The following CCSER1 variants were observed in gnomAD, a reference collection of about 807,000 sequenced individuals.
CCSER1 encodes the protein serine-rich coiled-coil domain-containing protein 1.
Under a neutral mutation model 82.0 loss-of-function variants are expected in CCSER1, and 41 were observed. The ratio of observed to expected loss-of-function variants is 0.50; its 90% CI spans 0.39 to 0.65. The LOEUF (loss-of-function observed/expected upper bound fraction) is 0.65. Ranked by LOEUF, CCSER1 falls within the 30% of genes least tolerant of loss-of-function variation. The pLI, the probability that CCSER1 is intolerant of heterozygous loss-of-function variation, is 0.00. For missense variants in CCSER1, 1,119 were observed against 1,064.2 expected (o/e 1.05, Z -0.72); for synonymous variants, 414 against 383.9 (o/e 1.08, Z -0.92).
chr4:90,394,693 T>C (rs1578254654), intron 3 of CCSER1, among the ~76,000 whole-genome samples: 1 of 152,264 alleles, frequency 6.6e-6, no homozygotes, highest in East Asian at 1.9e-4. Flanking sequence ...AAATGCCCAG[T>C]GTAATATATC....
chr4:90,614,783 T>TAGA (rs1425909648), intron 5 of CCSER1, among the ~76,000 whole-genome samples: 1 of 152,186 alleles, frequency 6.6e-6, no homozygotes, highest in Non-Finnish European at 1.5e-5. Context: ...AGCACTAATG[T>TAGA]AGAAGCACAG....
At chr4:90,556,854 G>GTATATATA (rs56675984) in intron 5 of CCSER1, among the ~76,000 whole-genome samples, 3 of 146,066 alleles carry the variant, frequency 2.1e-5, no homozygotes, top group African/African-American at 7.5e-5. Flanking sequence ...ATCTATATGT[G>GTATATATA]TATATATATA....
chr4:91,176,004 G>A (rs1403349633), intron 10 of CCSER1, among the ~76,000 whole-genome samples: 1 of 152,148 alleles, frequency 6.6e-6, no homozygotes, highest in Non-Finnish European at 1.5e-5. Context: ...TTTTGTTTAA[G>A]GTGTAAGGAA....
At chr4:91,157,242 A>C (rs1408948057) in intron 10 of CCSER1, among the ~76,000 whole-genome samples, 2 of 151,960 alleles carry the variant, frequency 1.3e-5, no homozygotes, top group Non-Finnish European at 2.9e-5. Flanking sequence ...AATCAGACTT[A>C]TTTACCAGAA....
At chr4:91,052,277 C>T (rs554528325) in intron 9 of CCSER1, among the ~76,000 whole-genome samples, 56 of 152,110 alleles carry the variant, frequency 3.7e-4, no homozygotes, top group African/African-American at 1.3e-3. Flanking sequence ...TTTATGTCTA[C>T]AGGCTGAGTG....
intron 10 of CCSER1, among the ~76,000 whole-genome samples, chr4:91,461,122 C>A (rs1250005754): frequency 6.6e-6 from 1 of 152,168 alleles, no homozygotes; most frequent in Non-Finnish European, 1.5e-5. Context: ...CAAAGACTTG[C>A]TCATAGCCCA....
intron 1 of CCSER1, among the ~76,000 whole-genome samples, chr4:90,177,390 G>T (rs1246324085): frequency 6.6e-6 from 1 of 152,006 alleles, no homozygotes; most frequent in Non-Finnish European, 1.5e-5. Context: ...ACTTTAAGCG[G>T]TTTTACCATA....
At chr4:90,243,455 G>A (rs1025204297) in intron 1 of CCSER1, among the ~76,000 whole-genome samples, 24 of 151,948 alleles carry the variant, frequency 1.6e-4, no homozygotes, top group African/African-American at 5.6e-4. Flanking sequence ...CACCATGTTG[G>A]TCAGGCTGGT....
intron 10 of CCSER1, among the ~76,000 whole-genome samples, chr4:91,351,325 C>T (rs895464652): frequency 6.6e-6 from 1 of 151,890 alleles, no homozygotes; most frequent in African/African-American, 2.4e-5. Context: ...AAATTGTAAG[C>T]TTAATTTGAA....
At chr4:90,362,446 G>A (rs1216068016) in intron 3 of CCSER1, among the ~76,000 whole-genome samples, 2 of 152,100 alleles carry the variant, frequency 1.3e-5, no homozygotes, top group African/African-American at 4.8e-5. Context: ...CTAGTCAAAT[G>A]GTTTAGAAGC....
At chr4:90,491,374 C>G (rs537419909) in intron 5 of CCSER1, among the ~76,000 whole-genome samples, 112 of 152,240 alleles carry the variant, frequency 7.4e-4, no homozygotes, top group African/African-American at 2.3e-3. Flanking sequence ...ATTTTATATC[C>G]TGAGACTGCT....
At chr4:91,228,659 G>A (rs1738391169) in intron 10 of CCSER1, among the ~76,000 whole-genome samples, 1 of 151,810 alleles carries the variant, frequency 6.6e-6, no homozygotes, top group Non-Finnish European at 1.5e-5. Context: ...ATTAAAGCCT[G>A]GACTATAAAC....
intron 9 of CCSER1, among the ~76,000 whole-genome samples, chr4:91,082,359 G>C (rs1352433026): frequency 6.6e-6 from 1 of 152,218 alleles, no homozygotes; most frequent in Non-Finnish European, 1.5e-5. Flanking sequence ...CTAACCATAT[G>C]TAGAAAGCTG....
At chr4:91,273,341 T>G (rs892777381) in intron 10 of CCSER1, among the ~76,000 whole-genome samples, 1 of 152,100 alleles carries the variant, frequency 6.6e-6, no homozygotes, top group Admixed American at 6.5e-5. Context: ...TCCTAAGTGT[T>G]TGTTTGTTTT....
At chr4:90,579,080 A>G (rs1294135254) in intron 5 of CCSER1, among the ~76,000 whole-genome samples, 2 of 152,272 alleles carry the variant, frequency 1.3e-5, no homozygotes, top group Non-Finnish European at 2.9e-5. Flanking sequence ...AAAATGATTT[A>G]TATTTTTAAA....
intron 1 of CCSER1, among the ~76,000 whole-genome samples, chr4:90,159,066 C>T (rs1728918384): frequency 6.6e-6 from 1 of 152,164 alleles, no homozygotes; most frequent in Non-Finnish European, 1.5e-5. Flanking sequence ...TGTGGTCTCA[C>T]TGAGTCACTG....
chr4:91,487,590 G>A lies in CCSER1; in HGVS notation c.2218-110982G>A, dbSNP rs115642592. ...TGCCTAATTTTATTTAGATTATTATGTTTCAATAGTTTGTAGTTGCACAAG... is the reference window on the plus strand; with the variant it reads ...TGCCTAATTTTATTTAGATTATTATATTTCAATAGTTTGTAGTTGCACAAG... On this transcript the variant is annotated intron_variant, in intron 10 of 10. Coordinates refer to ENST00000509176, the MANE Select transcript of CCSER1 (RefSeq NM_001145065.2). Among the ~76,000 whole-genome samples the A allele has an allele frequency of 3.9e-3, 592 of 152,120 alleles. 2 individuals are homozygous for A. The highest frequency in any genetic ancestry group is 0.014 in the African/African-American group (561 of 41,508).
chr4:91,303,682 T>C (rs1534557), intron 10 of CCSER1, among the ~76,000 whole-genome samples: 119,814 of 151,716 alleles, frequency 0.79, 48,130 homozygotes, highest in African/African-American at 0.95. Context: ...GTAATCCAGG[T>C]TACTGGAGAT....
intron 1 of CCSER1, among the ~76,000 whole-genome samples, chr4:90,281,681 T>C (rs1728895508): frequency 6.6e-6 from 1 of 152,054 alleles, no homozygotes. Flanking sequence ...TTCTCAAGTC[T>C]ATTTTTATCT....
Sources: gnomAD v4.1 joint callset for allele counts (sites outside exome capture counted in the v4.1 genomes callset) on GRCh38, gnomAD v4.1.1 for gene constraint, MANE v1.5 for transcripts, NCBI Gene and HGNC (gene_info 2026-07-23, HGNC 2026-07-21) for gene names.